Variants in MOB1B observed in about 807,000 individuals in gnomAD.
MOB1B encodes the protein MOB1 Mps One Binder homolog B.
In MOB1B, 19 loss-of-function variants were observed where a neutral mutation model predicts 24.4. The ratio of observed to expected loss-of-function variants is 0.78; its 90% CI spans 0.54 to 1.14. The LOEUF is 1.14. MOB1B is among the 50% of genes most tolerant of loss of function. MOB1B has a pLI of 0.00. For missense variants in MOB1B, 243 were observed against 259.6 expected, an observed-to-expected ratio of 0.94 and a Z score of 0.44; for synonymous variants, 76 against 82.1, an observed-to-expected ratio of 0.93 and a Z score of 0.40.
Position 70,982,257 on chromosome 4 carries a change from A to G in MOB1B, c.*200A>G. The G allele has an allele frequency of 4.7e-6, 2 of 423,652 alleles. No individual in the cohort carries two copies. Among genetic ancestry groups the G allele is most frequent in the Non-Finnish European group, 8.4e-6 (2 of 237,470 alleles). 26.2% of individuals were successfully genotyped at this position (423,652 alleles called of 1,614,324 possible). On this transcript the variant is annotated 3_prime_UTR_variant, in exon 6 of 6. Coordinates refer to ENST00000309395, the MANE Select transcript of MOB1B (RefSeq NM_173468.4). The stretch of plus-strand genomic sequence containing the variant: ...GGAAGCCAAGAACCATTCTCTATAC[A>G]CTTGATAAGGGTAAATTTATCTTAG...
intron 1 of MOB1B, among the ~76,000 whole-genome samples, chr4:70,938,596 G>A (rs950705254): frequency 1.3e-5 from 2 of 152,012 alleles, no homozygotes; most frequent in South Asian, 4.1e-4. Flanking sequence ...AGCCCACTGT[G>A]TAGATTGTTT....
chr4:70,974,370 C>T (rs1738892199), intron 3 of MOB1B, among the ~76,000 whole-genome samples: 1 of 152,122 alleles, frequency 6.6e-6, no homozygotes, highest in Non-Finnish European at 1.5e-5. Flanking sequence ...TCCTGAAGTG[C>T]TAGGATTACA....
intron 1 of MOB1B, among the ~76,000 whole-genome samples, chr4:70,904,777 G>C (rs898797085): frequency 2.0e-5 from 3 of 148,374 alleles, no homozygotes; most frequent in African/African-American, 7.5e-5. Flanking sequence ...AAAAAAAAAA[G>C]GTTAAAGCAG....
chr4:70,935,847 ATTTT>A (rs11395356), intron 1 of MOB1B, among the ~76,000 whole-genome samples: 28 of 100,392 alleles, frequency 2.8e-4, no homozygotes, highest in African/African-American at 1.1e-3. Flanking sequence ...TGGTACACTA[ATTTT>A]TTTTTTTTTT....
Position 70,982,787 on chromosome 4 carries a change from C to T in MOB1B, c.*730C>T, listed in dbSNP as rs979392315. 2.0e-5 allele frequency: 3 copies of T among 152,472 alleles called. No homozygotes were observed. The highest frequency in any genetic ancestry group is 7.2e-5 in the African/African-American group (3 of 41,392). 9.4% of individuals were successfully genotyped at this position (152,472 alleles called of 1,614,324 possible). A position where few individuals can be genotyped will look rare whatever the true frequency, so the allele number is the denominator to read the frequency against. On this transcript the variant is annotated 3_prime_UTR_variant, in exon 6 of 6. Coordinates refer to ENST00000309395, the MANE Select transcript of MOB1B (RefSeq NM_173468.4). Reference sequence around the variant, plus strand: ...GATGTTGAAATGTATTACATTTTGGCTTCTTTCTACATGTTAACTGCACTG... The same window carrying T: ...GATGTTGAAATGTATTACATTTTGGTTTCTTTCTACATGTTAACTGCACTG...
At chr4:70,952,657 AAAC>A (rs1477753936) in intron 1 of MOB1B, among the ~76,000 whole-genome samples, 69 of 151,216 alleles carry the variant, frequency 4.6e-4, no homozygotes, top group African/African-American at 1.6e-3. Flanking sequence ...AAAAAAAAAA[AAAC>A]AAAACAAAAA....
At chr4:70,952,217 TATA>T (rs1378081501) in intron 1 of MOB1B, among the ~76,000 whole-genome samples, 1 of 151,848 alleles carries the variant, frequency 6.6e-6, no homozygotes, top group African/African-American at 2.4e-5. Context: ...TATATTATAA[TATA>T]ATATATATAA....
chr4:70,939,891 C>T (rs780625938), intron 1 of MOB1B, among the ~76,000 whole-genome samples: 1 of 152,148 alleles, frequency 6.6e-6, no homozygotes, highest in African/African-American at 2.4e-5. Flanking sequence ...TTTTATTGAG[C>T]GGAAGTAGCT....
intron 1 of MOB1B, among the ~76,000 whole-genome samples, chr4:70,922,285 A>G (rs1346802035): frequency 6.6e-6 from 1 of 152,254 alleles, no homozygotes; most frequent in African/African-American, 2.4e-5. Flanking sequence ...TTAAATGAGC[A>G]TCGAAAATAA....
intron 1 of MOB1B, among the ~76,000 whole-genome samples, chr4:70,928,795 C>G (rs967111205): frequency 6.6e-6 from 1 of 151,994 alleles, no homozygotes; most frequent in African/African-American, 2.4e-5. Flanking sequence ...GCTATGTTAC[C>G]TAGGCTTGTC....
chr4:70,912,466 G>A lies in MOB1B; in HGVS notation c.14+9916G>A, dbSNP rs186036591. On this transcript the variant is annotated intron_variant, in intron 1 of 5. Transcript: ENST00000309395. Reference sequence around the variant, plus strand: ...AGCTAATTTTTATATTCTTAGTAGAGATGGGGTTTCACCATGTTGACCAGG... The same window carrying A: ...AGCTAATTTTTATATTCTTAGTAGAAATGGGGTTTCACCATGTTGACCAGG... Among the ~76,000 whole-genome samples the A allele has an allele frequency of 5.3e-5, 8 of 152,016 alleles. 1 individual carries two copies. Among genetic ancestry groups the A allele is most frequent in the Admixed American group, 4.6e-4 (7 of 15,254 alleles).
At chr4:70,941,342 T>G (rs952490360) in intron 1 of MOB1B, among the ~76,000 whole-genome samples, 32 of 152,148 alleles carry the variant, frequency 2.1e-4, no homozygotes, top group African/African-American at 7.5e-4. Flanking sequence ...TTGTTTTATT[T>G]TATTTATTTA....
Position 70,902,666 on chromosome 4 carries a change from G to A in MOB1B, c.14+116G>A, listed in dbSNP as rs1403574035. The A allele has an allele frequency of 3.9e-6, 4 of 1,017,276 alleles. No individual in the cohort carries two copies. In the African/African-American group the frequency reaches 5.3e-5, roughly 13 times the overall value. The allele number at this position is 1,017,276 out of a possible 1,614,324, so 63.0% of individuals were successfully genotyped here. ...GACCCTCCTGGCCCAGCGCTCCCGG[G>A]GCCCGGCGTCACCACCAAGCGGGGC... On this transcript the variant is annotated intron_variant, in intron 1 of 5. Transcript: ENST00000309395.
At position 70,986,953 on chromosome 4, in the gene MOB1B, C is replaced by G. The variant is rs1560673657; in HGVS notation, c.*4896C>G. 6.6e-6 allele frequency: 1 copy of G among 151,780 alleles called. No individual in the cohort carries two copies. Among genetic ancestry groups the G allele is most frequent in the Non-Finnish European group, 1.5e-5 (1 of 67,910 alleles). 9.4% of individuals were successfully genotyped at this position (151,780 alleles called of 1,614,324 possible). A position where few individuals can be genotyped will look rare whatever the true frequency, so the allele number is the denominator to read the frequency against. ...ACATTTTGACAAAAGAGAGAAAATACAAAAATGAGTTTTGCAAATGTAATA... is the reference window on the plus strand; with the variant it reads ...ACATTTTGACAAAAGAGAGAAAATAGAAAAATGAGTTTTGCAAATGTAATA... On this transcript the variant is annotated 3_prime_UTR_variant, in exon 6 of 6. Transcript: ENST00000309395.
intron 1 of MOB1B, among the ~76,000 whole-genome samples, chr4:70,951,576 A>G (rs568363218): frequency 6.6e-6 from 1 of 152,354 alleles, no homozygotes; most frequent in African/African-American, 2.4e-5. Flanking sequence ...TACCTCTAAT[A>G]TGTAATACAT....
At chr4:70,918,861 C>T (rs910829536) in intron 1 of MOB1B, among the ~76,000 whole-genome samples, 9 of 151,898 alleles carry the variant, frequency 5.9e-5, no homozygotes, top group East Asian at 1.9e-4. Flanking sequence ...CACATGCACA[C>T]GTATGTTTAT....
intron 1 of MOB1B, among the ~76,000 whole-genome samples, chr4:70,955,024 G>A (rs532447038): frequency 2.0e-5 from 3 of 152,042 alleles, no homozygotes; most frequent in African/African-American, 7.2e-5. Context: ...GACCTCAAGT[G>A]GTCTGCCCGC....
intron 1 of MOB1B, among the ~76,000 whole-genome samples, chr4:70,955,486 T>TG (rs1367077678): frequency 6.7e-6 from 1 of 148,840 alleles, no homozygotes; most frequent in African/African-American, 2.5e-5. Flanking sequence ...TTTTTTTTTT[T>TG]GGGAGACGAT....
chr4:70,923,204 C>A (rs574098141), intron 1 of MOB1B, among the ~76,000 whole-genome samples: 16 of 152,292 alleles, frequency 1.1e-4, no homozygotes, highest in Admixed American at 7.8e-4. Context: ...AGCGTTACAA[C>A]TGCGGGAGAA....
Sources: allele counts gnomAD v4.1 joint callset (sites outside exome capture counted in the v4.1 genomes callset), GRCh38; gene constraint gnomAD v4.1.1; transcripts MANE v1.5; gene names NCBI Gene and HGNC (gene_info 2026-07-23, HGNC 2026-07-21).